TMEM272: variants seen among roughly 807,000 people sequenced by gnomAD.
TMEM272 encodes transmembrane protein 272.
TMEM272 carries 8 observed loss-of-function variants against 3.7 expected under a neutral mutation model. The observed-to-expected ratio is 2.17, with a 90% CI of 1.27 to 3.91. TMEM272 has a LOEUF of 3.91. TMEM272 is among the 30% of genes most tolerant of loss of function. The probability of loss-of-function intolerance (pLI) is 0.00; values close to 1 mark genes in which losing one functional copy is unlikely to be tolerated. For missense variants in TMEM272, 166 were observed against 91.5 expected (o/e 1.81, Z -3.32); for synonymous variants, 63 against 39.8 (o/e 1.58, Z -2.20).
the TMEM272 span, among the ~76,000 whole-genome samples, chr13:51,918,454 G>C: frequency 6.7e-3 from 1,013 of 152,200 alleles, 13 homozygotes; most frequent in African/African-American, 0.024. Flanking sequence ...AAATAAAAAA[G>C]AGAAAAAGAA....
At chr13:51,875,125 C>T in the TMEM272 span, among the ~76,000 whole-genome samples, 2 of 152,226 alleles carry the variant, frequency 1.3e-5, no homozygotes, top group African/African-American at 2.4e-5. Flanking sequence ...TGGTTGAGAG[C>T]TTACTCTGCT....
the TMEM272 span, among the ~76,000 whole-genome samples, chr13:51,873,622 C>T: frequency 8.4e-3 from 1,274 of 152,302 alleles, 29 homozygotes; most frequent in African/African-American, 0.029. Context: ...GTGTCTAATT[C>T]CCTTGTGATG....
At chr13:51,871,246 A>G in the TMEM272 span, among the ~76,000 whole-genome samples, 1 of 148,162 alleles carries the variant, frequency 6.7e-6, no homozygotes, top group Non-Finnish European at 1.5e-5. Context: ...GCTGGAGTGC[A>G]GTGGCGCAAT....
the TMEM272 span, among the ~76,000 whole-genome samples, chr13:51,903,902 C>T: frequency 1.4e-5 from 2 of 147,128 alleles, no homozygotes; most frequent in African/African-American, 5.0e-5. Context: ...CTCACACCTG[C>T]CTCCTATGAC....
chr13:51,905,330 T>C, the TMEM272 span, among the ~76,000 whole-genome samples: 1 of 152,188 alleles, frequency 6.6e-6, no homozygotes, highest in African/African-American at 2.4e-5. Context: ...CAGTGCCTGC[T>C]GTCACCACCT....
At chr13:51,906,497 T>C in the TMEM272 span, among the ~76,000 whole-genome samples, 1 of 152,228 alleles carries the variant, frequency 6.6e-6, no homozygotes, top group South Asian at 2.1e-4. Flanking sequence ...AAGTGCTTCA[T>C]GGGCCCTAAA....
At chr13:51,862,585 G>A in the TMEM272 span, among the ~76,000 whole-genome samples, 5 of 152,228 alleles carry the variant, frequency 3.3e-5, no homozygotes, top group East Asian at 1.9e-4. Flanking sequence ...AGAACATTTC[G>A]CTGGATGCCA....
chr13:51,843,254 C>A (rs1178579705), intron 1 of TMEM272, among the ~76,000 whole-genome samples: 1 of 152,136 alleles, frequency 6.6e-6, no homozygotes, highest in Non-Finnish European at 1.5e-5. Flanking sequence ...AGGAAGCCCA[C>A]AAAGAAAGCT....
intron 4 of TMEM272, among the ~76,000 whole-genome samples, chr13:51,820,000 CT>C (rs1956066003): frequency 6.6e-6 from 1 of 152,188 alleles, no homozygotes; most frequent in Admixed American, 6.5e-5. Flanking sequence ...TTAGAGCCCC[CT>C]TGTACTCTCA....
chr13:51,839,690 G>A lies in TMEM272; in HGVS notation c.-23-1137C>T, dbSNP rs117757910. Among the ~76,000 whole-genome samples, 23 of 152,322 alleles carry A rather than the reference G, an allele frequency of 1.5e-4. No individual in the cohort carries two copies. The East Asian group carries it at 4.4e-3, about 29-fold the overall frequency. On this transcript the variant is annotated intron_variant, in intron 1 of 4. Coordinates refer to ENST00000629372, the MANE Select transcript of TMEM272 (RefSeq NM_001351003.2). Reference sequence around the variant, plus strand: ...GTGATGGGGAAGATTTGTGGTCTGAGGACAGAGATGGTCATGATGACAGAA... The same window carrying A: ...GTGATGGGGAAGATTTGTGGTCTGAAGACAGAGATGGTCATGATGACAGAA...
chr13:51,827,341 C>T (rs1377090290), intron 2 of TMEM272, among the ~76,000 whole-genome samples: 2 of 152,200 alleles, frequency 1.3e-5, no homozygotes, highest in Non-Finnish European at 2.9e-5. Context: ...TCGTTGACAT[C>T]CGGAAGCCGT....
chr13:51,865,593 T>G, the TMEM272 span: 9 of 1,614,044 alleles, frequency 5.6e-6, no homozygotes, highest in African/African-American at 2.7e-5. Context: ...ATGTGGACTT[T>G]CCGAGGCAAG....
the TMEM272 span, among the ~76,000 whole-genome samples, chr13:51,911,709 C>T: frequency 1.3e-5 from 2 of 152,184 alleles, no homozygotes; most frequent in Non-Finnish European, 2.9e-5. Flanking sequence ...CTGCTCTAAG[C>T]GTGGGCCCAC....
At chr13:51,821,963 C>T in intron 4 of TMEM272, 92 bp downstream of exon 4, 2 of 699,300 alleles carry the variant, frequency 2.9e-6, no homozygotes, top group South Asian at 3.0e-5. Context: ...TTTTGTCTCC[C>T]CTGTGAATAG....
chr13:51,911,534 A>G, the TMEM272 span, among the ~76,000 whole-genome samples: 4 of 152,116 alleles, frequency 2.6e-5, no homozygotes, highest in Non-Finnish European at 5.9e-5. Context: ...CCGCGCATGC[A>G]CATATCTTCA....
chr13:51,916,442 G>A, the TMEM272 span, among the ~76,000 whole-genome samples: 1 of 152,200 alleles, frequency 6.6e-6, no homozygotes, highest in Non-Finnish European at 1.5e-5. Flanking sequence ...ACTTATCAGG[G>A]TGCCTGGCAT....
intron 2 of TMEM272, 25 bp downstream of exon 2, chr13:51,838,448 G>A: frequency 1.4e-6 from 1 of 702,866 alleles, no homozygotes; most frequent in Non-Finnish European, 2.6e-6. Flanking sequence ...ACAAAACCAG[G>A]GCATTTCTCA....
chr13:51,922,338 G>C, the TMEM272 span, among the ~76,000 whole-genome samples: 1 of 152,228 alleles, frequency 6.6e-6, no homozygotes, highest in East Asian at 1.9e-4. Flanking sequence ...TCTTGGGTGG[G>C]CGTGGCCCAG....
At chr13:51,907,994 CAAATT>C in the TMEM272 span, among the ~76,000 whole-genome samples, 6 of 152,032 alleles carry the variant, frequency 3.9e-5, no homozygotes, top group African/African-American at 1.5e-4. Context: ...GTGGATTAAT[CAAATT>C]AAAATAGTTA....
Sources: allele counts gnomAD v4.1 joint callset (sites outside exome capture counted in the v4.1 genomes callset), GRCh38; gene constraint gnomAD v4.1.1; transcripts MANE v1.5; gene names NCBI Gene and HGNC (gene_info 2026-07-23, HGNC 2026-07-21).